TTBK2: variants seen among roughly 807,000 people sequenced by gnomAD.
The protein encoded by TTBK2 is tau tubulin kinase 2.
TTBK2 carries 28 observed loss-of-function variants against 110.8 expected under a neutral mutation model. The observed-to-expected ratio is 0.25, with a 90% confidence interval of 0.19 to 0.35. The LOEUF (loss-of-function observed/expected upper bound fraction) is 0.35. TTBK2 is among the 10% of genes least tolerant of loss of function. TTBK2 has a pLI of 1.00. For missense variants in TTBK2, 1,369 were observed against 1,500.3 expected (o/e 0.91, Z 1.45); for synonymous variants, 532 against 527.3 (o/e 1.01, Z -0.12).
At chr15:42,846,075 G>T (rs1314708962) in intron 3 of TTBK2, among the ~76,000 whole-genome samples, 1 of 151,098 alleles carries the variant, frequency 6.6e-6, no homozygotes, top group South Asian at 2.1e-4. Context: ...CTAATACAAT[G>T]TAAATGCTAT....
intron 3 of TTBK2, among the ~76,000 whole-genome samples, chr15:42,859,367 C>A (rs1334776786): frequency 6.6e-6 from 1 of 152,164 alleles, no homozygotes; most frequent in African/African-American, 2.4e-5. Flanking sequence ...CTCAGCCTCC[C>A]AAAGTGCTGG....
intron 1 of TTBK2, among the ~76,000 whole-genome samples, chr15:42,897,866 G>A (rs1444007243): frequency 7.4e-6 from 1 of 134,956 alleles, no homozygotes; most frequent in South Asian, 2.4e-4. Flanking sequence ...ACACACACAC[G>A]GAACTTCCAA....
intron 3 of TTBK2, among the ~76,000 whole-genome samples, chr15:42,852,535 T>A (rs889874535): frequency 1.3e-5 from 2 of 152,226 alleles, no homozygotes; most frequent in Non-Finnish European, 2.9e-5. Flanking sequence ...AAATGTTCTT[T>A]GTGCATATGG....
chr15:42,920,926 G>T (rs1262586180), upstream of TTBK2: 1 of 152,684 alleles, frequency 6.5e-6, no homozygotes, highest in African/African-American at 2.4e-5. Flanking sequence ...CGGTTGGCTA[G>T]TCCCATTGCC....
At chr15:42,919,267 T>C (rs1405632357) in intron 1 of TTBK2, among the ~76,000 whole-genome samples, 1 of 122,920 alleles carries the variant, frequency 8.1e-6, no homozygotes, top group East Asian at 2.3e-4. Flanking sequence ...TTTGTCATCA[T>C]TACTGCTTCT....
In TTBK2 at chr15:42,860,739, C is replaced by T. The variant is rs899325018; in HGVS notation, c.217+11872G>A. Among the ~76,000 whole-genome samples the T allele has an allele frequency of 5.4e-5, 8 of 147,022 alleles. No homozygotes were observed. In the Admixed American group the frequency reaches 5.6e-4, roughly 10 times the overall value. On this transcript the variant is annotated intron_variant, in intron 3 of 14. Transcript: ENST00000267890. Reference sequence around the variant, plus strand: ...TGGAGTGTAATGGCGGATCTCAGCTCACTGCAACCTCCGCTTCCCAGGTTC... The same window carrying T: ...TGGAGTGTAATGGCGGATCTCAGCTTACTGCAACCTCCGCTTCCCAGGTTC...
intron 13 of TTBK2, among the ~76,000 whole-genome samples, chr15:42,766,721 GA>G (rs1277804599): frequency 2.0e-5 from 3 of 152,038 alleles, no homozygotes; most frequent in Non-Finnish European, 4.4e-5. Flanking sequence ...TTAGTCAGAT[GA>G]ACCAGACAGA....
chr15:42,839,581 T>C (rs1264093741), intron 4 of TTBK2, among the ~76,000 whole-genome samples: 1 of 152,208 alleles, frequency 6.6e-6, no homozygotes, highest in East Asian at 1.9e-4. Flanking sequence ...TATAAGTGTT[T>C]CCTTTTCACC....
At chr15:42,858,047 C>T (rs577175141) in intron 3 of TTBK2, among the ~76,000 whole-genome samples, 9 of 152,046 alleles carry the variant, frequency 5.9e-5, no homozygotes, top group Admixed American at 2.0e-4. Flanking sequence ...CACAGTCCAG[C>T]GACAGAGCAA....
chr15:42,880,164 G>A (rs1894984008), intron 1 of TTBK2, among the ~76,000 whole-genome samples: 1 of 152,008 alleles, frequency 6.6e-6, no homozygotes, highest in African/African-American at 2.4e-5. Context: ...AGAAAGGACC[G>A]TAACAACAAG....
At chr15:42,853,930 A>T (rs1422744974) in intron 3 of TTBK2, among the ~76,000 whole-genome samples, 10 of 139,716 alleles carry the variant, frequency 7.2e-5, no homozygotes, top group African/African-American at 3.2e-4. Context: ...TCTACAGAAT[A>T]TTTTTTTTTT....
chr15:42,885,094 G>A (rs28858165), intron 1 of TTBK2, among the ~76,000 whole-genome samples: 5,931 of 152,094 alleles, frequency 0.039, 126 homozygotes, highest in South Asian at 0.081. Flanking sequence ...CTCTCTTTTC[G>A]GGCTCAGCCC....
intron 4 of TTBK2, 50 bp from the exon 5 acceptor site, chr15:42,830,128 T>C: frequency 8.1e-6 from 13 of 1,607,230 alleles, no homozygotes; most frequent in Non-Finnish European, 1.1e-5. Flanking sequence ...AACTATAGTA[T>C]AAGAGAAGAC....
chr15:42,848,478 G>A (rs2141038719), intron 3 of TTBK2, among the ~76,000 whole-genome samples: 1 of 151,668 alleles, frequency 6.6e-6, no homozygotes, highest in South Asian at 2.1e-4. Context: ...TCAGCATACA[G>A]AATATATACA....
At chr15:42,789,817 C>G (rs1268634216) in intron 10 of TTBK2, among the ~76,000 whole-genome samples, 3 of 147,304 alleles carry the variant, frequency 2.0e-5, no homozygotes, top group African/African-American at 7.6e-5. Flanking sequence ...CATCTATATT[C>G]CATTGTGTGT....
rs1462483003 is a variant in TTBK2, at chr15:42,789,790, TGTAA to T, written c.980+4850_980+4853del. On this transcript the variant is annotated intron_variant, in intron 10 of 14. Coordinates refer to ENST00000267890, the MANE Select transcript of TTBK2 (RefSeq NM_173500.4). ...AATAATAGTCCATTATGTGTGTGTG[TGTAA>T]GTATTTATACATCATCTATATTCCA... Among the ~76,000 whole-genome samples, 14 of 152,042 alleles carry T rather than the reference TGTAA, an allele frequency of 9.2e-5. No homozygotes were observed. The East Asian group carries it at 1.3e-3, about 15-fold the overall frequency.
intron 3 of TTBK2, among the ~76,000 whole-genome samples, chr15:42,868,885 A>G (rs1894495746): frequency 6.6e-6 from 1 of 151,568 alleles, no homozygotes; most frequent in South Asian, 2.1e-4. Flanking sequence ...AAATAAATAA[A>G]TAAATAAATA....
intron 9 of TTBK2, among the ~76,000 whole-genome samples, chr15:42,799,898 T>C (rs1891109186): frequency 6.6e-6 from 1 of 151,988 alleles, no homozygotes; most frequent in South Asian, 2.1e-4. Flanking sequence ...AAAAGTCAAT[T>C]ACAGCCTAGG....
intron 3 of TTBK2, among the ~76,000 whole-genome samples, chr15:42,872,380 T>C (rs938923609): frequency 5.3e-5 from 8 of 152,174 alleles, no homozygotes; most frequent in African/African-American, 1.9e-4. Flanking sequence ...CTCTTATCCT[T>C]ACTCCATGAA....
Sources: allele counts gnomAD v4.1 joint callset (sites outside exome capture counted in the v4.1 genomes callset), GRCh38; gene constraint gnomAD v4.1.1; transcripts MANE v1.5; gene names NCBI Gene and HGNC (gene_info 2026-07-23, HGNC 2026-07-21).